ELF5: variants seen among roughly 807,000 people sequenced by gnomAD.
ELF5 encodes ETS-related transcription factor Elf-5.
In ELF5, 31 loss-of-function variants were observed where a neutral mutation model predicts 38.2. That is an observed-to-expected ratio of 0.81 (90% CI 0.61 to 1.10). ELF5 has a LOEUF of 1.10. Ranked by LOEUF, ELF5 falls within the 50% of genes least tolerant of loss-of-function variation. The pLI, the probability that ELF5 is intolerant of heterozygous loss-of-function variation, is 0.00. For synonymous variants in ELF5, 121 were observed against 112.5 expected (o/e 1.08, Z -0.48); for missense variants, 300 against 306.6 (o/e 0.98, Z 0.16).
At chr11:34,488,383 G>A (rs1020308814) in intron 4 of ELF5, among the ~76,000 whole-genome samples, 1 of 152,084 alleles carries the variant, frequency 6.6e-6, no homozygotes, top group Admixed American at 6.6e-5. Flanking sequence ...GACACACCTG[G>A]GTCATCTGTT....
chr11:34,501,401 C>T (rs190768264), intron 2 of ELF5, among the ~76,000 whole-genome samples: 3 of 152,238 alleles, frequency 2.0e-5, no homozygotes, highest in East Asian at 1.9e-4. Context: ...GTGTGCGTGG[C>T]ACATTGGCTG....
chr11:34,500,681 C>T (rs533529399), intron 2 of ELF5, among the ~76,000 whole-genome samples: 27 of 152,346 alleles, frequency 1.8e-4, no homozygotes, highest in Middle Eastern at 6.8e-3. Flanking sequence ...GAGGTGTGGG[C>T]GCTGCCACAG....
At chr11:34,511,573 A>G in intron 1 of ELF5, 1 of 1,614,224 alleles carries the variant, frequency 6.2e-7, no homozygotes, top group Non-Finnish European at 8.5e-7. Context: ...ATGGCATGGA[A>G]GCTGAGGTCC....
intron 4 of ELF5, among the ~76,000 whole-genome samples, chr11:34,488,232 G>A (rs1413585347): frequency 1.3e-5 from 2 of 152,038 alleles, no homozygotes; most frequent in Admixed American, 1.3e-4. Flanking sequence ...GACTCAAATA[G>A]TGCTCATCAC....
At chr11:34,483,274 C>T (rs746500299) in intron 4 of ELF5, among the ~76,000 whole-genome samples, 15 of 152,014 alleles carry the variant, frequency 9.9e-5, no homozygotes, top group Admixed American at 3.3e-4. Context: ...TGGGTCTGCA[C>T]ATCCTCCCCA....
intron 3 of ELF5, chr11:34,492,944 C>A (rs944333110): frequency 5.8e-6 from 1 of 171,222 alleles, no homozygotes; most frequent in Non-Finnish European, 1.3e-5. Context: ...AAGAACCTTT[C>A]TGGATTGAAA....
At chr11:34,509,730 C>A (rs923852998) in intron 1 of ELF5, among the ~76,000 whole-genome samples, 1 of 152,072 alleles carries the variant, frequency 6.6e-6, no homozygotes, top group Non-Finnish European at 1.5e-5. Flanking sequence ...CAGAAAAGTT[C>A]CTTTAAGTGA....
At chr11:34,502,496 A>G (rs1006000553) in intron 2 of ELF5, among the ~76,000 whole-genome samples, 1 of 152,258 alleles carries the variant, frequency 6.6e-6, no homozygotes, top group Admixed American at 6.5e-5. Context: ...TGTTGATAAA[A>G]GACAGAAGGC....
At chr11:34,481,520 C>T (rs2133868834) in intron 5 of ELF5, among the ~76,000 whole-genome samples, 1 of 152,302 alleles carries the variant, frequency 6.6e-6, no homozygotes, top group African/African-American at 2.4e-5. Context: ...ACTGGCAACA[C>T]TGTGACTCAC....
intron 2 of ELF5, among the ~76,000 whole-genome samples, chr11:34,503,771 C>G (rs1366468025): frequency 1.3e-5 from 2 of 152,204 alleles, no homozygotes; most frequent in East Asian, 3.8e-4. Context: ...ATTTTTTAAA[C>G]AGTTATGTGT....
rs1850237064 is a variant in ELF5, at chr11:34,493,610, T to C, written c.224A>G (p.Asn75Ser). 1.9e-6 allele frequency: 3 copies of C among 1,614,090 alleles called. No individual in the cohort carries two copies. The highest frequency in any genetic ancestry group is 8.5e-7 in the Non-Finnish European group (1 of 1,180,050). The change falls in exon 3 of 7, where the codon AAT (asparagine) becomes AGT (serine). Residue 75 changes from asparagine (N) to serine (S), a missense_variant. Coordinates refer to ENST00000257832, the MANE Select transcript of ELF5 (RefSeq NM_001422.4). ...GTTGAAGTTGCAGAAGGAGATGCAA[T>C]TGGTGTCCAACTTGTACTGGTCGCA... ...FCCDQYKLDT[N>S]CISFCNFNIS...
intron 1 of ELF5, among the ~76,000 whole-genome samples, chr11:34,509,637 A>ATGCTGAGGGATGGGGTGAGAGG (rs1287370943): frequency 1.3e-5 from 2 of 151,598 alleles, no homozygotes; most frequent in Non-Finnish European, 2.9e-5. Context: ...AGGGGGTAGG[A>ATGCTGAGGGATGGGGTGAGAGG]TGCTGAGGGA....
Position 34,479,642 on chromosome 11 carries a change from A to C in ELF5, c.*576T>G, listed in dbSNP as rs1384031457. The C allele has an allele frequency of 6.6e-6, 1 of 151,994 alleles. No homozygotes were observed. Among genetic ancestry groups the C allele is most frequent in the Non-Finnish European group, 1.5e-5 (1 of 68,010 alleles). 9.4% of individuals were successfully genotyped at this position (151,994 alleles called of 1,614,324 possible). On this transcript the variant is annotated 3_prime_UTR_variant, in exon 7 of 7. Coordinates refer to ENST00000257832, the MANE Select transcript of ELF5 (RefSeq NM_001422.4). ...GCTGAGGTGGGAGGATCACTTGAGCATAGGAGTTCAAGACCAGCCCTGGGC... is the reference window on the plus strand; with the variant it reads ...GCTGAGGTGGGAGGATCACTTGAGCCTAGGAGTTCAAGACCAGCCCTGGGC...
chr11:34,507,219 C>A (rs766826), intron 1 of ELF5, among the ~76,000 whole-genome samples: 3 of 152,062 alleles, frequency 2.0e-5, no homozygotes, highest in African/African-American at 7.2e-5. Context: ...GCAGCATGTG[C>A]GGCCCAAGGT....
intron 1 of ELF5, 35 bp downstream of exon 1, chr11:34,513,642 C>G (rs930648330): frequency 6.6e-6 from 1 of 152,334 alleles, no homozygotes. Flanking sequence ...ACACCCCTTA[C>G]GATTCATCCA....
At chr11:34,489,927 T>C (rs1850117989) in intron 4 of ELF5, 82 bp downstream of exon 4, 4 of 1,515,758 alleles carry the variant, frequency 2.6e-6, no homozygotes, top group African/African-American at 1.4e-5. Flanking sequence ...AGCTTTTCAG[T>C]ATGATCCTAA....
rs1396629004 is a variant in ELF5 at position 34,478,811 on chromosome 11, A to G, written c.*1407T>C. ...GACAGTTGAACATGTTAAATACTTT[A>G]TTCACATTGTTTACAAACTATATCC... On this transcript the variant is annotated 3_prime_UTR_variant, in exon 7 of 7. Transcript: ENST00000257832. The G allele has an allele frequency of 6.5e-6, 1 of 152,690 alleles. No homozygotes were observed. The highest frequency in any genetic ancestry group is 1.5e-5 in the Non-Finnish European group (1 of 68,040). 9.5% of individuals were successfully genotyped at this position (152,690 alleles called of 1,614,324 possible).
chr11:34,490,147 G>A lies in ELF5; in HGVS notation c.356-88C>T. ...AGGAGAGGGGGTGTTGGAGGGAAGT[G>A]GAGTGACTGTCCCTCTTGAGGTTGG... On this transcript the variant is annotated intron_variant, in intron 3 of 6. Transcript: ENST00000257832. 4 of 1,396,922 alleles carry A rather than the reference G, an allele frequency of 2.9e-6. No homozygotes were observed. The South Asian group carries it at 3.5e-5, about 12-fold the overall frequency. 86.5% of individuals were successfully genotyped at this position (1,396,922 alleles called of 1,614,324 possible).
rs1232114048 is a variant in ELF5, at chr11:34,479,708, C to T, written c.*510G>A. ...CGTCTCAAAAAAAAAAAAAGGGATA[C>T]TTTTCTATGGATTTTTGACTTTAAT... On this transcript the variant is annotated 3_prime_UTR_variant, in exon 7 of 7. Coordinates refer to ENST00000257832, the MANE Select transcript of ELF5 (RefSeq NM_001422.4). 1 of 152,142 alleles carries T rather than the reference C, an allele frequency of 6.6e-6. No individual in the cohort carries two copies. The highest frequency in any genetic ancestry group is 1.9e-4 in the East Asian group (1 of 5,162). 9.4% of individuals were successfully genotyped at this position (152,142 alleles called of 1,614,324 possible).
Sources: allele counts gnomAD v4.1 joint callset (sites outside exome capture counted in the v4.1 genomes callset), GRCh38; gene constraint gnomAD v4.1.1; transcripts MANE v1.5; gene names NCBI Gene and HGNC (gene_info 2026-07-23, HGNC 2026-07-21).